Variants in TBC1D22A observed in about 807,000 individuals in gnomAD.
TBC1D22A encodes the protein putative GTPase activator.
A neutral mutation model predicts 60.2 loss-of-function variants in TBC1D22A; 38 were observed. The ratio of observed to expected loss-of-function variants is 0.63; its 90% CI spans 0.49 to 0.83. TBC1D22A has a LOEUF of 0.83. Ranked by LOEUF, TBC1D22A falls within the 40% of genes least tolerant of loss-of-function variation. The pLI is 0.00. For missense variants in TBC1D22A, 628 were observed against 701.0 expected (o/e 0.90, Z 1.18); for synonymous variants, 302 against 281.7 (o/e 1.07, Z -0.72).
intron 4 of TBC1D22A, among the ~76,000 whole-genome samples, chr22:46,861,589 C>G (rs754290598): frequency 2.6e-5 from 4 of 152,240 alleles, no homozygotes; most frequent in Non-Finnish European, 5.9e-5. Flanking sequence ...CAGATTCTGT[C>G]TCTCACTGGG....
At chr22:46,825,108 A>G (rs1216930093) in intron 4 of TBC1D22A, among the ~76,000 whole-genome samples, 1 of 152,140 alleles carries the variant, frequency 6.6e-6, no homozygotes, top group African/African-American at 2.4e-5. Context: ...GTTTTCCCTT[A>G]ACGCAAGGCA....
chr22:46,980,587 G>A (rs546035931), intron 9 of TBC1D22A, among the ~76,000 whole-genome samples: 122 of 152,344 alleles, frequency 8.0e-4, no homozygotes, highest in Non-Finnish European at 1.5e-3. Context: ...GAGTTAGTTA[G>A]AATTGAATGT....
chr22:46,796,606 G>C (rs1251864705), intron 3 of TBC1D22A, among the ~76,000 whole-genome samples: 1 of 152,100 alleles, frequency 6.6e-6, no homozygotes, highest in Non-Finnish European at 1.5e-5. Flanking sequence ...TGATCTGAGG[G>C]CCTTAGGGTC....
Position 46,878,670 on chromosome 22 carries a change from A to C in TBC1D22A, c.655A>C (p.Ser219Arg), listed in dbSNP as rs1408209617. ...NTDLEELRRLSWSGIPKPVRP... is the reference protein window; with the variant it reads ...NTDLEELRRLRWSGIPKPVRP... ...ATCAACAGAGGAATTACGGAGGTTGAGCTGGTCCGGAATCCCTAAGCCAGT... is the reference window on the plus strand; with the variant it reads ...ATCAACAGAGGAATTACGGAGGTTGCGCTGGTCCGGAATCCCTAAGCCAGT... Residue 219 changes from serine (S) to arginine (R), a missense_variant, in exon 5 of 13, where the codon AGC (serine) becomes CGC (arginine). Transcript: ENST00000337137. 5.0e-6 allele frequency: 8 copies of C among 1,613,210 alleles called. No individual in the cohort carries two copies. Among genetic ancestry groups the C allele is most frequent in the Non-Finnish European group, 5.1e-6 (6 of 1,179,842 alleles).
chr22:46,889,607 A>G lies in TBC1D22A; in HGVS notation c.709-1659A>G, dbSNP rs151265463. On this transcript the variant is annotated intron_variant, in intron 5 of 12. Coordinates refer to ENST00000337137, the MANE Select transcript of TBC1D22A (RefSeq NM_014346.5). Reference sequence around the variant, plus strand: ...CCGGAAACAACCGAAATGCTCATCGACAGGCGAATCTTTAACAAACTGGTG... The same window carrying G: ...CCGGAAACAACCGAAATGCTCATCGGCAGGCGAATCTTTAACAAACTGGTG... Among the ~76,000 whole-genome samples the G allele has an allele frequency of 7.2e-4, 110 of 152,358 alleles. 1 individual carries two copies. Among genetic ancestry groups the G allele is most frequent in the African/African-American group, 2.5e-3 (104 of 41,582 alleles).
At chr22:47,079,393 G>T (rs988021192) in intron 11 of TBC1D22A, among the ~76,000 whole-genome samples, 1 of 152,068 alleles carries the variant, frequency 6.6e-6, no homozygotes, top group Admixed American at 6.6e-5. Flanking sequence ...AGCCGGGACA[G>T]ACATCTTGAT....
At chr22:46,823,580 G>T (rs1244228730) in intron 4 of TBC1D22A, among the ~76,000 whole-genome samples, 1 of 152,232 alleles carries the variant, frequency 6.6e-6, no homozygotes, top group Non-Finnish European at 1.5e-5. Context: ...GCAGACTGCA[G>T]TGTGGCTTGA....
At chr22:47,027,179 A>G (rs2062284838) in intron 10 of TBC1D22A, among the ~76,000 whole-genome samples, 1 of 152,250 alleles carries the variant, frequency 6.6e-6, no homozygotes, top group African/African-American at 2.4e-5. Context: ...TGTTATGCGT[A>G]TAATCGTTAC....
In TBC1D22A at chr22:46,833,899, C is replaced by T. The variant is rs2086411797; in HGVS notation, c.637+36279C>T. ...GCAACCATAGGCCAGGGTGCAAGGA[C>T]TTGTCAGGAGAGAGGAATTGGGTTT... On this transcript the variant is annotated intron_variant, in intron 4 of 12. Coordinates refer to ENST00000337137, the MANE Select transcript of TBC1D22A (RefSeq NM_014346.5). Among the ~76,000 whole-genome samples the T allele has an allele frequency of 2.0e-5, 3 of 152,326 alleles. No individual in the cohort carries two copies. In the South Asian group the frequency reaches 6.2e-4, roughly 32 times the overall value.
At chr22:47,082,330 A>G (rs2064502955) in intron 11 of TBC1D22A, among the ~76,000 whole-genome samples, 1 of 152,216 alleles carries the variant, frequency 6.6e-6, no homozygotes, top group African/African-American at 2.4e-5. Flanking sequence ...AAGAACAACT[A>G]AGTTTGAGAA....
At chr22:46,973,486 A>G (rs914950114) in intron 8 of TBC1D22A, among the ~76,000 whole-genome samples, 7 of 152,198 alleles carry the variant, frequency 4.6e-5, no homozygotes, top group Admixed American at 3.9e-4. Flanking sequence ...CAACCTTTCT[A>G]CATATATTCT....
intron 4 of TBC1D22A, among the ~76,000 whole-genome samples, chr22:46,828,528 G>C (rs2086170550): frequency 6.6e-6 from 1 of 152,218 alleles, no homozygotes; most frequent in South Asian, 2.1e-4. Context: ...GGGCCGCTTT[G>C]GGAGTCTCCC....
At chr22:46,928,684 C>T (rs1225230797) in intron 8 of TBC1D22A, among the ~76,000 whole-genome samples, 1 of 152,000 alleles carries the variant, frequency 6.6e-6, no homozygotes, top group East Asian at 1.9e-4. Flanking sequence ...AGACTCATAT[C>T]TAGTATATAC....
intron 9 of TBC1D22A, among the ~76,000 whole-genome samples, chr22:46,992,120 G>T (rs2074966657): frequency 6.6e-6 from 1 of 152,226 alleles, no homozygotes; most frequent in African/African-American, 2.4e-5. Flanking sequence ...CCCTGTCTGT[G>T]TCAGGGGATC....
At chr22:46,935,729 A>G (rs1171913046) in intron 8 of TBC1D22A, among the ~76,000 whole-genome samples, 1 of 152,004 alleles carries the variant, frequency 6.6e-6, no homozygotes, top group Admixed American at 6.6e-5. Context: ...CTCTTCCTCA[A>G]AGATGCCCGT....
At chr22:46,833,474 C>T (rs1321038883) in intron 4 of TBC1D22A, among the ~76,000 whole-genome samples, 1 of 152,200 alleles carries the variant, frequency 6.6e-6, no homozygotes, top group African/African-American at 2.4e-5. Context: ...CTCCTGAGTC[C>T]CACGGCACAT....
At chr22:47,001,294 T>C (rs1055339417) in intron 10 of TBC1D22A, among the ~76,000 whole-genome samples, 6 of 106,838 alleles carry the variant, frequency 5.6e-5, no homozygotes, top group African/African-American at 1.8e-4. Context: ...TTTTTTTCTT[T>C]CTTTCTTTTT....
Position 47,009,661 on chromosome 22 carries a change from T to C in TBC1D22A, c.1201+11952T>C, listed in dbSNP as rs2061697395. Reference sequence around the variant, plus strand: ...ACCGTCATCATTACCATCATCACCATCATCATCACTATCACCAGCATCATT... The same window carrying C: ...ACCGTCATCATTACCATCATCACCACCATCATCACTATCACCAGCATCATT... On this transcript the variant is annotated intron_variant, in intron 10 of 12. Transcript: ENST00000337137. This position sits in a 1 kb window ranked among gnomAD's most constrained non-coding sequence, Gnocchi z 5.8. Among the ~76,000 whole-genome samples, 1 of 151,570 alleles carries C rather than the reference T, an allele frequency of 6.6e-6. No homozygotes were observed. The highest frequency in any genetic ancestry group is 6.6e-5 in the Admixed American group (1 of 15,224).
chr22:47,172,290 A>G (rs1404670669), intron 12 of TBC1D22A, among the ~76,000 whole-genome samples: 2 of 152,186 alleles, frequency 1.3e-5, no homozygotes, highest in Non-Finnish European at 2.9e-5. Flanking sequence ...TGCTGGCCGT[A>G]TGTGTGTTTT....
Sources: allele counts gnomAD v4.1 joint callset (sites outside exome capture counted in the v4.1 genomes callset), GRCh38; gene constraint gnomAD v4.1.1; non-coding constraint Gnocchi (gnomAD v3.1); transcripts MANE v1.5; gene names NCBI Gene and HGNC (gene_info 2026-07-23, HGNC 2026-07-21).